Variants in CDH13 observed in about 807,000 individuals in gnomAD.
CDH13 encodes the protein cadherin 13, also known as cadherin-13.
In CDH13, 24 loss-of-function variants were observed where a neutral mutation model predicts 63.8. The ratio of observed to expected loss-of-function variants is 0.38; its 90% CI spans 0.27 to 0.53. The LOEUF (loss-of-function observed/expected upper bound fraction) is 0.53. Among genes scored for constraint, CDH13 ranks in the 20% least tolerant of loss-of-function variants. The pLI, the probability that CDH13 is intolerant of heterozygous loss-of-function variation, is 0.85. For synonymous variants in CDH13, 503 were observed against 355.3 expected (o/e 1.42, Z -4.67); for missense variants, 1,049 against 903.1 (o/e 1.16, Z -2.07).
At chr16:83,124,996 C>G (rs1452957810) in intron 3 of CDH13, among the ~76,000 whole-genome samples, 1 of 152,126 alleles carries the variant, frequency 6.6e-6, no homozygotes, top group East Asian at 1.9e-4. Context: ...TGTTATAAAA[C>G]CAATTCTTTA....
chr16:83,263,446 G>A (rs958587308), intron 5 of CDH13, among the ~76,000 whole-genome samples: 1 of 152,060 alleles, frequency 6.6e-6, no homozygotes, highest in African/African-American at 2.4e-5. Flanking sequence ...CTTGAGATAT[G>A]CAGAGATCTA....
intron 8 of CDH13, among the ~76,000 whole-genome samples, chr16:83,630,839 T>C (rs1031375627): frequency 2.0e-5 from 3 of 152,204 alleles, no homozygotes; most frequent in African/African-American, 7.2e-5. Context: ...TATTTGTAGC[T>C]ATCTTATTAA....
At chr16:82,643,531 C>T (rs1597200704) in intron 1 of CDH13, among the ~76,000 whole-genome samples, 1 of 152,224 alleles carries the variant, frequency 6.6e-6, no homozygotes, top group South Asian at 2.1e-4. Flanking sequence ...ACATGTGTTT[C>T]ATTCATTAAA....
intron 5 of CDH13, among the ~76,000 whole-genome samples, chr16:83,260,119 C>G (rs1439731041): frequency 6.7e-6 from 1 of 150,304 alleles, no homozygotes; most frequent in African/African-American, 2.5e-5. Context: ...CACACACACA[C>G]ACACACACAC....
chr16:83,443,705 GAAAAAAAAAAAAAAAAAA>G (rs1167862979), intron 6 of CDH13, among the ~76,000 whole-genome samples: 1,493 of 106,904 alleles, frequency 0.014, 30 homozygotes, highest in South Asian at 0.019. Context: ...AAGTCCCTAC[GAAAAAAAAAAAAAAAAAA>G]AAAAAAAAAA....
At chr16:83,368,666 C>T (rs766609430) in intron 6 of CDH13, among the ~76,000 whole-genome samples, 9 of 150,594 alleles carry the variant, frequency 6.0e-5, no homozygotes, top group Non-Finnish European at 7.4e-5. Flanking sequence ...GTATCCGTTG[C>T]CATGCCCAAC....
chr16:83,267,986 T>C (rs1052055322), intron 5 of CDH13, among the ~76,000 whole-genome samples: 2 of 152,152 alleles, frequency 1.3e-5, no homozygotes, highest in Non-Finnish European at 2.9e-5. Flanking sequence ...AATCAAGCTT[T>C]ACTCATTTAG....
chr16:83,102,885 T>G (rs2151604820), intron 3 of CDH13, among the ~76,000 whole-genome samples: 1 of 150,002 alleles, frequency 6.7e-6, no homozygotes, highest in South Asian at 2.1e-4. Context: ...AGACAGTGAA[T>G]AAAATTCCTT....
In CDH13 at chr16:83,513,078, A is replaced by G. The variant is rs183157697; in HGVS notation, c.960+26423A>G. Among the ~76,000 whole-genome samples, 503 of 152,268 alleles carry G rather than the reference A, an allele frequency of 3.3e-3. 5 individuals are homozygous for G. The highest frequency in any genetic ancestry group is 1.1e-3 in the Non-Finnish European group (72 of 68,016). On this transcript the variant is annotated intron_variant, in intron 7 of 13. Transcript: ENST00000567109. The stretch of plus-strand genomic sequence containing the variant: ...TGGGTTGAATCTCATTTTAAGCCCC[A>G]GAATTAGGCTTGTGAAAACAATTCA...
chr16:82,915,239 A>G (rs2041950849), intron 2 of CDH13, among the ~76,000 whole-genome samples: 3 of 152,240 alleles, frequency 2.0e-5, no homozygotes. Context: ...AGGCGGTCTT[A>G]GGATATAGAT....
chr16:82,947,004 CTGTGTGTGTGTGTGTGTGTGTGTG>C (rs3223223), intron 2 of CDH13, among the ~76,000 whole-genome samples: 1 of 134,920 alleles, frequency 7.4e-6, no homozygotes, highest in Non-Finnish European at 1.6e-5. Flanking sequence ...GTGCGCACGC[CTGTGTGTGTGTGTGTGTGTGTGTG>C]TGTGTGTGTG....
chr16:83,591,991 C>T (rs1160256923), intron 7 of CDH13, among the ~76,000 whole-genome samples: 1 of 152,208 alleles, frequency 6.6e-6, no homozygotes, highest in Non-Finnish European at 1.5e-5. Context: ...GTATGCCCTT[C>T]TGCAGGAATC....
At chr16:83,101,293 T>C (rs1255422595) in intron 3 of CDH13, among the ~76,000 whole-genome samples, 1 of 150,552 alleles carries the variant, frequency 6.6e-6, no homozygotes, top group African/African-American at 2.4e-5. Context: ...ATATACTTTA[T>C]GTGTATTATA....
rs577474756 is a variant in CDH13, at chr16:83,318,808, G to A, written c.637-26054G>A. ...TTTTCTCTCTTAGTGACCAGACAAT[G>A]GTGCTGTCTTTCTTTTGAAGTCACT... On this transcript the variant is annotated intron_variant, in intron 5 of 13. Coordinates refer to ENST00000567109, the MANE Select transcript of CDH13 (RefSeq NM_001257.5). Among the ~76,000 whole-genome samples, 341 of 152,172 alleles carry A rather than the reference G, an allele frequency of 2.2e-3. 3 individuals carry two copies. Among genetic ancestry groups the A allele is most frequent in the Non-Finnish European group, 3.0e-3 (207 of 67,998 alleles).
chr16:83,546,750 A>T (rs1480793882), intron 7 of CDH13, among the ~76,000 whole-genome samples: 2 of 152,178 alleles, frequency 1.3e-5, no homozygotes, highest in Admixed American at 6.5e-5. Flanking sequence ...GCATAACAGC[A>T]GTGCCCTTCC....
At chr16:83,241,654 C>A (rs1904462209) in intron 5 of CDH13, among the ~76,000 whole-genome samples, 1 of 152,066 alleles carries the variant, frequency 6.6e-6, no homozygotes, top group South Asian at 2.1e-4. Flanking sequence ...CTATTCAGGC[C>A]CCTTGCCCAT....
chr16:83,590,243 G>A (rs1008813366), intron 7 of CDH13, among the ~76,000 whole-genome samples: 2 of 152,118 alleles, frequency 1.3e-5, no homozygotes, highest in African/African-American at 4.8e-5. Flanking sequence ...GAAGGCAGGG[G>A]GACCAACCTG....
intron 1 of CDH13, among the ~76,000 whole-genome samples, chr16:82,720,915 A>G (rs2032731021): frequency 6.6e-6 from 1 of 152,176 alleles, no homozygotes; most frequent in African/African-American, 2.4e-5. Context: ...CTCAGTAAAT[A>G]CTAACTGAAT....
chr16:83,130,933 G>A (rs184437256), intron 4 of CDH13, among the ~76,000 whole-genome samples: 2 of 152,292 alleles, frequency 1.3e-5, no homozygotes, highest in African/African-American at 2.4e-5. Context: ...TTTCACAACT[G>A]GATATCCTGC....
Sources: gnomAD v4.1 joint callset for allele counts (sites outside exome capture counted in the v4.1 genomes callset) on GRCh38, gnomAD v4.1.1 for gene constraint, MANE v1.5 for transcripts, NCBI Gene and HGNC (gene_info 2026-07-23, HGNC 2026-07-21) for gene names.